PSG2: variants seen among roughly 807,000 people sequenced by gnomAD.
The protein encoded by PSG2 is pregnancy specific beta-1-glycoprotein 2.
Under a neutral mutation model 36.2 loss-of-function variants are expected in PSG2, and 49 were observed. The observed-to-expected ratio is 1.35, with a 90% CI of 1.08 to 1.72. The LOEUF (loss-of-function observed/expected upper bound fraction) is 1.72, where lower values mean the gene tolerates loss of function less well. Among genes scored for constraint, PSG2 ranks in the 40% most tolerant of loss-of-function variants. PSG2 has a pLI of 0.00. For synonymous variants in PSG2, 261 were observed against 155.6 expected (o/e 1.68, Z -5.04); for missense variants, 605 against 407.2 (o/e 1.49, Z -4.18).
Position 43,082,388 on chromosome 19 carries a change from C to T in PSG2, c.64+118G>A, listed in dbSNP as rs1967993428. Reference sequence around the variant, plus strand: ...AACTCCTGATCTCGTGATCCACCCACCTCAGCCTCCCTAAGTGCTGGCTTC... The same window carrying T: ...AACTCCTGATCTCGTGATCCACCCATCTCAGCCTCCCTAAGTGCTGGCTTC... On this transcript the variant is annotated intron_variant, in intron 1 of 5. Coordinates refer to ENST00000406487, the MANE Select transcript of PSG2 (RefSeq NM_031246.4). 22 of 1,480,730 alleles carry T rather than the reference C, an allele frequency of 1.5e-5. No homozygotes were observed. In the Admixed American group the frequency reaches 3.6e-4, roughly 24 times the overall value. 91.7% of individuals were successfully genotyped at this position (1,480,730 alleles called of 1,614,324 possible).
chr19:43,075,196 C>T (rs1967875289), intron 3 of PSG2, among the ~76,000 whole-genome samples, 158 bp downstream of exon 3: 1 of 151,756 alleles, frequency 6.6e-6, no homozygotes, highest in South Asian at 2.1e-4. Context: ...CAAGCCTAGG[C>T]CTATTCTGGT....
rs572874701 is a variant in PSG2, at chr19:43,066,785, C to T, written c.965-185G>A. On this transcript the variant is annotated intron_variant, in intron 4 of 5. Transcript: ENST00000406487. ...GTTTTTTTTCCCTCTCACCATGTGT[C>T]TCGGTTGGTGATCAGTCCTCTGTCA... Among the ~76,000 whole-genome samples, 9 of 151,630 alleles carry T rather than the reference C, an allele frequency of 5.9e-5. No individual in the cohort carries two copies. The East Asian group carries it at 1.7e-3, about 29-fold the overall frequency.
chr19:43,072,354 G>A, intron 3 of PSG2: 2 of 1,612,522 alleles, frequency 1.2e-6, no homozygotes, highest in South Asian at 1.1e-5. Context: ...AAGATACAGA[G>A]GACATTCAGG....
intron 1 of PSG2, chr19:43,082,244 G>A: frequency 5.0e-6 from 2 of 402,668 alleles, no homozygotes; most frequent in South Asian, 5.0e-5. Context: ...GGGTTCACGT[G>A]ATTCTCCTGC....
At chr19:43,071,565 T>C (rs1967816353) in intron 4 of PSG2, 135 bp downstream of exon 4, 3 of 1,602,012 alleles carry the variant, frequency 1.9e-6, no homozygotes, top group Non-Finnish European at 2.6e-6. Flanking sequence ...TTGGGAGGGT[T>C]CAGGAGGAGA....
rs146251303 is a variant in PSG2 at position 43,079,960 on chromosome 19, T to C, written c.430+921A>G. 2.1e-3 allele frequency among the ~76,000 whole-genome samples: 325 copies of C among 151,868 alleles called. 8 individuals carry two copies. The highest frequency in any genetic ancestry group is 7.6e-3 in the African/African-American group (312 of 41,230). The stretch of plus-strand genomic sequence containing the variant: ...GTGACTGTGCCTTCCTGTGCCTCAG[T>C]TTTCTCTCAATCAAATAAGCTAAAT... On this transcript the variant is annotated intron_variant, in intron 2 of 5. Transcript: ENST00000406487.
In PSG2 at chr19:43,066,606, A is replaced by T; in HGVS notation, c.965-6T>A. ...AAGTCCTATTCTTGTAGAAGCTGTCATGGAAAGAAAAGTAAAGAAGGAATG... is the reference window on the plus strand; with the variant it reads ...AAGTCCTATTCTTGTAGAAGCTGTCTTGGAAAGAAAAGTAAAGAAGGAATG... On this transcript the variant is annotated splice_region_variant and splice_polypyrimidine_tract_variant and intron_variant, in intron 4 of 5. Coordinates refer to ENST00000406487, the MANE Select transcript of PSG2 (RefSeq NM_031246.4). The T allele has an allele frequency of 6.3e-7, 1 of 1,594,398 alleles. No individual in the cohort carries two copies. The highest frequency in any genetic ancestry group is 8.6e-7 in the Non-Finnish European group (1 of 1,162,852).
At chr19:43,080,787 G>A (rs1185143219) in intron 2 of PSG2, 94 bp downstream of exon 2, 1 of 1,607,148 alleles carries the variant, frequency 6.2e-7, no homozygotes, top group Non-Finnish European at 8.5e-7. Flanking sequence ...TGCAGAGAGG[G>A]ACACAGGCAC....
Position 43,072,080 on chromosome 19 carries a change from T to C in PSG2, c.710-126A>G, listed in dbSNP as rs1343055095. 6 of 1,432,838 alleles carry C rather than the reference T, an allele frequency of 4.2e-6. 2 individuals are homozygous for C. In the African/African-American group the frequency reaches 8.7e-5, roughly 21 times the overall value. The allele number at this position is 1,432,838 out of a possible 1,614,324, so 88.8% of individuals were successfully genotyped here. On this transcript the variant is annotated intron_variant, in intron 3 of 5. Transcript: ENST00000406487. ...CCTCAAGTCCCAGCAAAACCCCCTC[T>C]ATGTTCACTGAGCCGAACCCTGAAG...
rs1462290531 is a variant in PSG2 at position 43,072,064 on chromosome 19, C to T, written c.710-110G>A. 140 of 1,459,360 alleles carry T rather than the reference C, an allele frequency of 9.6e-5. 2 individuals carry two copies. Among genetic ancestry groups the T allele is most frequent in the South Asian group, 1.3e-5 (1 of 75,564 alleles). 90.4% of individuals were successfully genotyped at this position (1,459,360 alleles called of 1,614,324 possible). A position where few individuals can be genotyped will look rare whatever the true frequency, so the allele number is the denominator to read the frequency against. ...CTGAGACAAGACACATCCTCAAGTC[C>T]CAGCAAAACCCCCTCTATGTTCACT... On this transcript the variant is annotated intron_variant, in intron 3 of 5. Transcript: ENST00000406487.
rs1301299769 is a variant in PSG2, at chr19:43,066,566, A to T, written c.999T>A (p.Asn333Lys). Reference protein sequence around the residue: ...STRIGLLPLLNPT With the variant: ...STRIGLLPLLKPT Reference sequence around the variant, plus strand: ...AATGACATCACAGCTGCTATGTTGGATTAAGGAGAGGAAGAAGTCCTATTC... The same window carrying T: ...AATGACATCACAGCTGCTATGTTGGTTTAAGGAGAGGAAGAAGTCCTATTC... Residue 333 changes from asparagine (N) to lysine (K), a missense_variant, in exon 5 of 6, where the codon AAT (asparagine) becomes AAA (lysine). Transcript: ENST00000406487. 6.2e-7 allele frequency: 1 copy of T among 1,600,784 alleles called. No homozygotes were observed. Among genetic ancestry groups the T allele is most frequent in the Admixed American group, 1.7e-5 (1 of 59,914 alleles).
chr19:43,081,244 A>G lies in PSG2; in HGVS notation c.67T>C (p.Ser23Pro), dbSNP rs1447897492. 1.9e-6 allele frequency: 3 copies of G among 1,611,022 alleles called. No homozygotes were observed. Among genetic ancestry groups the G allele is most frequent in the African/African-American group, 2.7e-5 (2 of 73,874 alleles). ...IKWKGLLVTA[S>P]LLNFWNLPTT... ...GGCAGGTTCCAGAAGTTTAAAAGTG[A>G]TGCTAGGAGGTGGAGAGAGCATCAG... The change falls in exon 2 of 6, where the codon TCA (serine) becomes CCA (proline). Residue 23 changes from serine (S) to proline (P), a missense_variant and splice_region_variant. Transcript: ENST00000406487.
At chr19:43,079,774 G>A (rs1174719258) in intron 2 of PSG2, among the ~76,000 whole-genome samples, 2 of 151,690 alleles carry the variant, frequency 1.3e-5, no homozygotes, top group South Asian at 4.2e-4. Flanking sequence ...CTCCTCTGAG[G>A]TTTGGATGCC....
At chr19:43,068,333 A>G (rs750052820) in intron 4 of PSG2, among the ~76,000 whole-genome samples, 31 of 151,406 alleles carry the variant, frequency 2.0e-4, no homozygotes, top group South Asian at 1.5e-3. Flanking sequence ...TAGCATCTTG[A>G]GAGGCTGAAG....
chr19:43,072,355 G>A, intron 3 of PSG2: 3 of 1,612,500 alleles, frequency 1.9e-6, no homozygotes, highest in South Asian at 2.2e-5. Context: ...AGATACAGAG[G>A]ACATTCAGGG....
In PSG2 at chr19:43,075,557, C is replaced by T. The variant is rs1967883057; in HGVS notation, c.506G>A (p.Cys169Tyr). Reference sequence around the variant, plus strand: ...GCTTGTGTCCGGAGTCTCAGGATCACAGGTTAAGATCACAGTTTCCATGGC... The same window carrying T: ...GCTTGTGTCCGGAGTCTCAGGATCATAGGTTAAGATCACAGTTTCCATGGC... ...REAMETVILT[C>Y]DPETPDTSYQ... The change falls in exon 3 of 6, where the codon TGT becomes TAT. Residue 169 changes from cysteine to tyrosine, a missense_variant. By Grantham distance (194) the Cys-to-Tyr change is radical. Coordinates refer to ENST00000406487, the MANE Select transcript of PSG2 (RefSeq NM_031246.4). 1.2e-6 allele frequency: 2 copies of T among 1,613,200 alleles called. No individual in the cohort carries two copies. The highest frequency in any genetic ancestry group is 1.7e-6 in the Non-Finnish European group (2 of 1,179,784).
chr19:43,068,203 C>A lies in PSG2; in HGVS notation c.965-1603G>T, dbSNP rs566191555. ...TTAATCCTAGCACTTTGGGAGGTCA[C>A]AGCAGAAGGATTTCTTGAGACCAGG... On this transcript the variant is annotated intron_variant, in intron 4 of 5. Transcript: ENST00000406487. Among the ~76,000 whole-genome samples the A allele has an allele frequency of 2.0e-3, 301 of 151,350 alleles. 9 individuals are homozygous for A. The highest frequency in any genetic ancestry group is 6.8e-3 in the African/African-American group (276 of 40,876).
chr19:43,080,829 G>A (rs1967960300), intron 2 of PSG2, 52 bp downstream of exon 2: 2 of 1,612,170 alleles, frequency 1.2e-6, no homozygotes, highest in South Asian at 2.2e-5. Flanking sequence ...TGTGTGTGAA[G>A]TAGAAATGAC....
At chr19:43,078,024 A>G (rs1967921866) in intron 2 of PSG2, among the ~76,000 whole-genome samples, 1 of 151,602 alleles carries the variant, frequency 6.6e-6, no homozygotes, top group South Asian at 2.1e-4. Flanking sequence ...GGGTGATATG[A>G]GCCCATGGGC....
Sources: allele counts gnomAD v4.1 joint callset (sites outside exome capture counted in the v4.1 genomes callset), GRCh38; gene constraint gnomAD v4.1.1; transcripts MANE v1.5; gene names NCBI Gene and HGNC (gene_info 2026-07-23, HGNC 2026-07-21).